CES3: variants seen among roughly 807,000 people sequenced by gnomAD.
The protein encoded by CES3 is carboxylesterase 3 (brain).
CES3 carries 49 observed loss-of-function variants against 57.6 expected under a neutral mutation model. The ratio of observed to expected loss-of-function variants is 0.85; its 90% CI spans 0.68 to 1.08. The LOEUF is 1.08. Among genes scored for constraint, CES3 ranks in the 50% least tolerant of loss-of-function variants. CES3 has a pLI of 0.00. For synonymous variants in CES3, 266 were observed against 281.6 expected (o/e 0.94, Z 0.55); for missense variants, 645 against 742.0 (o/e 0.87, Z 1.52).
At chr16:66,969,549 G>T (rs1196512924) in intron 8 of CES3, 130 bp from the exon 9 acceptor site, 2 of 792,500 alleles carry the variant, frequency 2.5e-6, no homozygotes, top group Non-Finnish European at 4.1e-6. Context: ...GGACTTTTCG[G>T]CCCCATTTTG....
At chr16:66,967,384 G>A in intron 8 of CES3, 3 of 475,182 alleles carry the variant, frequency 6.3e-6, no homozygotes, top group Non-Finnish European at 8.3e-6. Flanking sequence ...CAAGGTTTTT[G>A]CACAAACTGG....
intron 10 of CES3, among the ~76,000 whole-genome samples, chr16:66,971,865 G>A (rs962607958): frequency 6.6e-6 from 1 of 152,186 alleles, no homozygotes; most frequent in East Asian, 1.9e-4. Flanking sequence ...GCCAGGCGCG[G>A]TGGGTGGCTC....
chr16:66,966,309 G>A lies in CES3; in HGVS notation c.885G>A (p.Gln295=), dbSNP rs748502371. 2 of 1,613,784 alleles carry A rather than the reference G, an allele frequency of 1.2e-6. No homozygotes were observed. Among genetic ancestry groups the A allele is most frequent in the Admixed American group, 3.3e-5 (2 of 60,022 alleles). The change falls in exon 7 of 13, where the codon CAG becomes CAA. Residue 295 remains glutamine (Q), a synonymous_variant. Coordinates refer to ENST00000303334, the MANE Select transcript of CES3 (RefSeq NM_024922.6). The part of the protein sequence containing the change: ...SPAEMVQCLQ[Q]KEGEELVLSK... ...CTGAGATGGTGCAGTGCCTTCAGCA[G>A]AAAGAAGGAGAAGAGCTGGTCCTTA...
At chr16:66,967,560 C>G (rs1963753212) in intron 8 of CES3, 1 of 985,330 alleles carries the variant, frequency 1.0e-6, no homozygotes, top group Non-Finnish European at 1.2e-6. Context: ...AAGTCCCTTC[C>G]ATTCCTTTCC....
At chr16:66,962,417 A>G (rs1963663779) in intron 1 of CES3, among the ~76,000 whole-genome samples, 1 of 152,226 alleles carries the variant, frequency 6.6e-6, no homozygotes, top group Non-Finnish European at 1.5e-5. Flanking sequence ...TGGGTAATTC[A>G]CAAAGAAAAG....
At chr16:66,968,720 C>T (rs1006956773) in intron 8 of CES3, among the ~76,000 whole-genome samples, 1 of 151,952 alleles carries the variant, frequency 6.6e-6, no homozygotes, top group Non-Finnish European at 1.5e-5. Flanking sequence ...TCGAGACCAG[C>T]CTAGCCAACA....
chr16:66,967,141 G>C (rs1275435241), intron 8 of CES3, among the ~76,000 whole-genome samples: 1 of 151,908 alleles, frequency 6.6e-6, no homozygotes, highest in Non-Finnish European at 1.5e-5. Context: ...GGAGTGCAGT[G>C]GTGCGATCTC....
chr16:66,969,810 G>A, intron 9 of CES3, 51 bp downstream of exon 9: 1 of 1,508,900 alleles, frequency 6.6e-7, no homozygotes, highest in Non-Finnish European at 9.1e-7. Context: ...GAGGAAGCTA[G>A]TGGGTATCCC....
intron 7 of CES3, 149 bp downstream of exon 7, chr16:66,966,494 A>C: frequency 5.9e-6 from 5 of 854,048 alleles, no homozygotes; most frequent in Non-Finnish European, 8.9e-6. Flanking sequence ...GGAGACAGAA[A>C]TGGAGGGCCA....
At chr16:66,962,931 T>G in intron 1 of CES3, 1 of 677,338 alleles carries the variant, frequency 1.5e-6, no homozygotes, top group South Asian at 1.5e-5. Context: ...AATGGGCAAG[T>G]GGCTGGCCCC....
rs1044259902 is a variant in CES3, at chr16:66,971,248, A to G, written c.1220A>G (p.Gln407Arg). 5 of 1,613,986 alleles carry G rather than the reference A, an allele frequency of 3.1e-6. No individual in the cohort carries two copies. Among genetic ancestry groups the G allele is most frequent in the Non-Finnish European group, 3.4e-6 (4 of 1,179,992 alleles). ...GSNSDAQAKCQAFQEFMGDVF... is the reference protein window; with the variant it reads ...GSNSDAQAKCRAFQEFMGDVF... ...AACTCGGACGCACAAGCCAAATGCCAGGCGTTCCAGGAATTCATGGGTGAC... is the reference window on the plus strand; with the variant it reads ...AACTCGGACGCACAAGCCAAATGCCGGGCGTTCCAGGAATTCATGGGTGAC... The change falls in exon 10 of 13, where the codon CAG (glutamine) becomes CGG (arginine). Residue 407 changes from glutamine (Q) to arginine (R), a missense_variant. Coordinates refer to ENST00000303334, the MANE Select transcript of CES3 (RefSeq NM_024922.6).
intron 8 of CES3, chr16:66,967,856 G>A: frequency 1.4e-6 from 1 of 723,436 alleles, no homozygotes; most frequent in Non-Finnish European, 1.7e-6. Context: ...CAACCTCTCA[G>A]GCCCGAGCAA....
intron 4 of CES3, among the ~76,000 whole-genome samples, 187 bp from the exon 5 acceptor site, chr16:66,964,170 A>T (rs1963696101): frequency 6.6e-6 from 1 of 152,222 alleles, no homozygotes; most frequent in South Asian, 2.1e-4. Context: ...CCTGGGCTGA[A>T]GCCCAGGTTC....
intron 10 of CES3, among the ~76,000 whole-genome samples, chr16:66,971,568 C>T (rs908129398): frequency 6.6e-6 from 1 of 152,188 alleles, no homozygotes; most frequent in African/African-American, 2.4e-5. Flanking sequence ...CAAAGGTCAC[C>T]CAGCAGGGCC....
chr16:66,964,085 C>T, intron 4 of CES3, 150 bp downstream of exon 4: 1 of 1,264,462 alleles, frequency 7.9e-7, no homozygotes, highest in Middle Eastern at 2.8e-4. Context: ...CCCCAAGCCT[C>T]CACCCTGGGA....
chr16:66,969,626 T>G (rs559704142), intron 8 of CES3, 53 bp from the exon 9 acceptor site: 1 of 1,553,202 alleles, frequency 6.4e-7, no homozygotes, highest in African/African-American at 1.4e-5. Flanking sequence ...GGGCTGGGAG[T>G]CGGGGTGAGC....
intron 10 of CES3, 63 bp downstream of exon 10, chr16:66,971,382 C>T (rs1963831083): frequency 1.3e-6 from 2 of 1,552,714 alleles, no homozygotes; most frequent in East Asian, 4.5e-5. Flanking sequence ...TGGGTCATCA[C>T]AGGTGACATG....
intron 6 of CES3, among the ~76,000 whole-genome samples, chr16:66,964,945 T>C (rs1284489638): frequency 6.6e-6 from 1 of 152,120 alleles, no homozygotes; most frequent in East Asian, 1.9e-4. Context: ...CTGAAGCATA[T>C]CATTGTTGGC....
rs1567558574 is a variant in CES3 at position 66,972,375 on chromosome 16, T to C, written c.1311T>C (p.Phe437=). 2 of 1,605,238 alleles carry C rather than the reference T, an allele frequency of 1.2e-6. No homozygotes were observed. Among genetic ancestry groups the C allele is most frequent in the Non-Finnish European group, 1.7e-6 (2 of 1,175,558 alleles). The change falls in exon 11 of 13, where the codon TTT becomes TTC. Residue 437 remains phenylalanine (F), a synonymous_variant. Transcript: ENST00000303334. ...CTGTAGATTCTGGAAGCCCTGTCTT[T>C]TTCTATGAGTTCCAGCATCGACCCA... ...RYLRDSGSPV[F]FYEFQHRPSS...
Sources: gnomAD v4.1 joint callset for allele counts (sites outside exome capture counted in the v4.1 genomes callset) on GRCh38, gnomAD v4.1.1 for gene constraint, MANE v1.5 for transcripts, NCBI Gene and HGNC (gene_info 2026-07-23, HGNC 2026-07-21) for gene names.